Variants in MAN2B1 observed in about 807,000 individuals in gnomAD.
The protein encoded by MAN2B1 is mannosidase alpha class 2B member 1, also known as lysosomal alpha-mannosidase.
A neutral mutation model predicts 127.5 loss-of-function variants in MAN2B1; 99 were observed. The observed-to-expected ratio is 0.78, with a 90% CI of 0.66 to 0.92. The LOEUF (loss-of-function observed/expected upper bound fraction) is 0.92, where lower values mean the gene tolerates loss of function less well. MAN2B1 is among the 40% of genes least tolerant of loss of function. MAN2B1 has a pLI of 0.00. For synonymous variants in MAN2B1, 573 were observed against 568.8 expected (o/e 1.01, Z -0.11); for missense variants, 1,304 against 1,384.8 (o/e 0.94, Z 0.93).
At chr19:12,654,908 C>T (rs1599347361) in intron 14 of MAN2B1, among the ~76,000 whole-genome samples, 1 of 152,160 alleles carries the variant, frequency 6.6e-6, no homozygotes, top group East Asian at 1.9e-4. Context: ...TCAGTAGATC[C>T]ACCCACCTCA....
intron 14 of MAN2B1, among the ~76,000 whole-genome samples, chr19:12,654,065 C>T (rs1169870684): frequency 9.8e-5 from 14 of 142,588 alleles, no homozygotes; most frequent in African/African-American, 2.9e-4. Context: ...TTTTTTGAGA[C>T]GGAGTCTCAC....
chr19:12,646,540 A>C lies in MAN2B1; in HGVS notation c.*80T>G, dbSNP rs1016368808. On this transcript the variant is annotated 3_prime_UTR_variant, in exon 24 of 24. Transcript: ENST00000456935. Reference sequence around the variant, plus strand: ...GTCTTAGTAGTAGCGTTTTAATGGCAGCAGCCCCAAGAGGAGAGTCAGAGT... The same window carrying C: ...GTCTTAGTAGTAGCGTTTTAATGGCCGCAGCCCCAAGAGGAGAGTCAGAGT... 1.4e-5 allele frequency: 15 copies of C among 1,094,372 alleles called. No homozygotes were observed. The highest frequency in any genetic ancestry group is 2.1e-5 in the Non-Finnish European group (15 of 711,334). The allele number at this position is 1,094,372 out of a possible 1,614,324, so 67.8% of individuals were successfully genotyped here.
intron 10 of MAN2B1, 109 bp downstream of exon 10, chr19:12,657,954 C>CA (rs35296973): frequency 0.026 from 12,266 of 480,198 alleles, 52 homozygotes; most frequent in East Asian, 0.074. Flanking sequence ...GACTCCGTCT[C>CA]AAAAAAAAAA....
chr19:12,649,080 C>T (rs952931725), intron 20 of MAN2B1, 56 bp downstream of exon 20: 145 of 1,467,436 alleles, frequency 9.9e-5, no homozygotes, highest in Non-Finnish European at 1.3e-4. Context: ...CTTCAAGGTC[C>T]AGCAGGGGTC....
At position 12,663,629 on chromosome 19, in the gene MAN2B1, G is replaced by C. The variant is rs1320564012; in HGVS notation, c.763+74C>G. ...TAGGAATTCCAGGACAGTGACAACAGAGCAGATATCAAGCCCAGGGCCCTT... is the reference window on the plus strand; with the variant it reads ...TAGGAATTCCAGGACAGTGACAACACAGCAGATATCAAGCCCAGGGCCCTT... On this transcript the variant is annotated intron_variant, in intron 5 of 23. Coordinates refer to ENST00000456935, the MANE Select transcript of MAN2B1 (RefSeq NM_000528.4). 5 of 1,554,880 alleles carry C rather than the reference G, an allele frequency of 3.2e-6. No individual in the cohort carries two copies. The East Asian group carries it at 9.5e-5, about 30-fold the overall frequency.
Position 12,658,062 on chromosome 19 carries a change from C to A in MAN2B1, c.1309+1G>T, listed in dbSNP as rs1057516745. ...CTTCCCCTCTTGGGCCCGACACTTA[C>A]TGAGGGGTGCACTGTCTCCGGAGCC... is the stretch of plus-strand genomic sequence containing the variant. On this transcript the variant is annotated splice_donor_variant, in intron 10 of 23. Transcript: ENST00000456935. LOFTEE classifies it high-confidence loss of function. 5.6e-6 allele frequency: 9 copies of A among 1,610,594 alleles called. No homozygotes were observed. The highest frequency in any genetic ancestry group is 7.6e-6 in the Non-Finnish European group (9 of 1,178,430).
At chr19:12,657,125 C>T in intron 11 of MAN2B1, 69 bp from the exon 12 acceptor site, 2 of 941,848 alleles carry the variant, frequency 2.1e-6, no homozygotes, top group Non-Finnish European at 1.7e-6. Flanking sequence ...CTCCTCAGGC[C>T]CCGCCCCGTT....
intron 2 of MAN2B1, 24 bp downstream of exon 2, chr19:12,665,679 G>A (rs548020543): frequency 1.9e-6 from 3 of 1,604,678 alleles, no homozygotes; most frequent in African/African-American, 1.3e-5. Context: ...GGATCCCAGG[G>A]ACCAGTCCCC....
In MAN2B1 at chr19:12,647,181, G is replaced by T; in HGVS notation, c.2923+52C>A. Reference sequence around the variant, plus strand: ...CATGCCTCACACATTGCCCCCACCTGCCGGCCCCAGGTAAGACTCCACCCC... The same window carrying T: ...CATGCCTCACACATTGCCCCCACCTTCCGGCCCCAGGTAAGACTCCACCCC... On this transcript the variant is annotated intron_variant, in intron 23 of 23. Coordinates refer to ENST00000456935, the MANE Select transcript of MAN2B1 (RefSeq NM_000528.4). This position sits in a 1 kb window ranked among gnomAD's most constrained non-coding sequence, Gnocchi z 4.9. 6.6e-7 allele frequency: 1 copy of T among 1,515,676 alleles called. No individual in the cohort carries two copies. Among genetic ancestry groups the T allele is most frequent in the Non-Finnish European group, 9.2e-7 (1 of 1,090,862 alleles). 93.9% of individuals were successfully genotyped at this position (1,515,676 alleles called of 1,614,324 possible).
intron 3 of MAN2B1, 106 bp downstream of exon 3, chr19:12,665,246 G>A (rs536902601): frequency 4.3e-6 from 6 of 1,384,294 alleles, no homozygotes; most frequent in African/African-American, 2.8e-5. Context: ...GGAGCGACAC[G>A]CATGTTATAC....
chr19:12,648,519 G>C (rs1170438242), intron 20 of MAN2B1, 117 bp from the exon 21 acceptor site: 2 of 775,868 alleles, frequency 2.6e-6, no homozygotes, highest in Non-Finnish European at 4.2e-6. Context: ...GGGAGGAACG[G>C]ATGAGGATGA....
intron 11 of MAN2B1, 104 bp downstream of exon 11, chr19:12,657,342 G>A (rs1214142175): frequency 1.8e-6 from 2 of 1,081,512 alleles, no homozygotes; most frequent in Admixed American, 2.0e-5. Flanking sequence ...CCCGCCACAG[G>A]GCTCTCGGCT....
intron 2 of MAN2B1, 51 bp downstream of exon 2, chr19:12,665,652 G>T (rs751956227): frequency 1.3e-6 from 2 of 1,588,340 alleles, no homozygotes; most frequent in South Asian, 2.2e-5. Flanking sequence ...GACCCAGAGG[G>T]ATTACAGGGA....
intron 21 of MAN2B1, 131 bp downstream of exon 21, chr19:12,648,044 G>A (rs2023736885): frequency 1.1e-6 from 1 of 941,304 alleles, no homozygotes; most frequent in Admixed American, 2.0e-5. Context: ...CCAGGGGATG[G>A]GGTTGGCCCG....
chr19:12,657,637 G>C (rs974563650), intron 10 of MAN2B1, 82 bp from the exon 11 acceptor site: 455 of 1,239,542 alleles, frequency 3.7e-4, no homozygotes, highest in Non-Finnish European at 4.9e-4. Flanking sequence ...CGGTGCTGGC[G>C]GGCAGGATTC....
At chr19:12,659,078 C>G (rs549881540) in intron 7 of MAN2B1, 1 of 176,178 alleles carries the variant, frequency 5.7e-6, no homozygotes, top group African/African-American at 2.4e-5. Context: ...AGGATGGTCT[C>G]GATCTCCTGA....
chr19:12,655,648 C>G, intron 14 of MAN2B1, 46 bp downstream of exon 14: 1 of 1,583,260 alleles, frequency 6.3e-7, no homozygotes, highest in South Asian at 1.2e-5. Context: ...CATGACACTT[C>G]AAATTTGTCA....
intron 18 of MAN2B1, 92 bp downstream of exon 18, chr19:12,649,821 C>T: frequency 1.8e-6 from 2 of 1,117,292 alleles, no homozygotes; most frequent in South Asian, 2.5e-5. Flanking sequence ...TCCTCTGTCT[C>T]CCACACTCAT....
chr19:12,666,517 C>A, intron 1 of MAN2B1, 26 bp downstream of exon 1: 14 of 1,566,992 alleles, frequency 8.9e-6, no homozygotes, highest in Non-Finnish European at 1.2e-5. Flanking sequence ...GCCTCCTGTA[C>A]GTTTCAGCTC....
Sources: allele counts gnomAD v4.1 joint callset (sites outside exome capture counted in the v4.1 genomes callset), GRCh38; gene constraint gnomAD v4.1.1; non-coding constraint Gnocchi (gnomAD v3.1); transcripts MANE v1.5; gene names NCBI Gene and HGNC (gene_info 2026-07-23, HGNC 2026-07-21).